GFRA2: variants seen among roughly 807,000 people sequenced by gnomAD.
GFRA2 encodes GDNF family receptor alpha-2.
GFRA2 carries 17 observed loss-of-function variants against 48.3 expected under a neutral mutation model. The ratio of observed to expected loss-of-function variants is 0.35; its 90% CI spans 0.24 to 0.53. The LOEUF is 0.53. Among genes scored for constraint, GFRA2 ranks in the 20% least tolerant of loss-of-function variants. The pLI, the probability that GFRA2 is intolerant of heterozygous loss-of-function variation, is 0.93. For missense variants in GFRA2, 660 were observed against 637.3 expected (o/e 1.04, Z -0.38); for synonymous variants, 305 against 257.2 (o/e 1.19, Z -1.78).
intron 4 of GFRA2, among the ~76,000 whole-genome samples, chr8:21,706,980 T>C (rs1042737785): frequency 3.3e-5 from 5 of 152,156 alleles, no homozygotes; most frequent in African/African-American, 1.2e-4. Flanking sequence ...TGGGGGAGGA[T>C]GCTCCCCCTC....
At chr8:21,745,285 G>T (rs1165561967) in intron 4 of GFRA2, among the ~76,000 whole-genome samples, 3 of 152,174 alleles carry the variant, frequency 2.0e-5, no homozygotes, top group Non-Finnish European at 4.4e-5. Context: ...GGAGGCCTGG[G>T]CATCTCTAGG....
chr8:21,718,308 C>T (rs910972464), intron 4 of GFRA2, among the ~76,000 whole-genome samples: 13 of 152,206 alleles, frequency 8.5e-5, no homozygotes, highest in Non-Finnish European at 1.8e-4. Context: ...ACGTGACTTG[C>T]TCGTCCTTGC....
At chr8:21,790,856 C>G (rs1275531550), upstream of GFRA2, among the ~76,000 whole-genome samples, 4 of 152,180 alleles carry the variant, frequency 2.6e-5, no homozygotes, top group Non-Finnish European at 4.4e-5. Context: ...AAGGAACCGG[C>G]TTTGGATAAG....
rs534552882 is a variant in GFRA2 at position 21,712,560 on chromosome 8, C to T, written c.795-6519G>A. On this transcript the variant is annotated intron_variant, in intron 4 of 8. Coordinates refer to ENST00000524240, the MANE Select transcript of GFRA2 (RefSeq NM_001495.5). ...GCAGAGGGGCTCCTCACATCCCAGA[C>T]GATGGGCGGCCAGGCAGAGACGCTC... Among the ~76,000 whole-genome samples the T allele has an allele frequency of 0.01, 1,477 of 143,786 alleles. 36 individuals are homozygous for T. The East Asian group carries it at 0.1, about 10-fold the overall frequency. 94.3% of individuals were successfully genotyped at this position (143,786 alleles called of 152,430 possible).
intron 4 of GFRA2, among the ~76,000 whole-genome samples, chr8:21,721,511 G>A (rs1803593010): frequency 6.6e-6 from 1 of 152,184 alleles, no homozygotes; most frequent in Non-Finnish European, 1.5e-5. Context: ...AGTCAGAGAC[G>A]AGGAGGAGGA....
chr8:21,785,400 A>G (rs907173442), intron 1 of GFRA2, among the ~76,000 whole-genome samples: 1 of 152,166 alleles, frequency 6.6e-6, no homozygotes, highest in Admixed American at 6.5e-5. Context: ...TGACCCCCAG[A>G]ACCAATCAAG....
intron 2 of GFRA2, among the ~76,000 whole-genome samples, 177 bp from the exon 3 acceptor site, chr8:21,775,232 G>C (rs974773263): frequency 1.3e-5 from 2 of 152,170 alleles, no homozygotes; most frequent in African/African-American, 2.4e-5. Flanking sequence ...CATTAGCAAC[G>C]AAATGTTTAG....
rs1807962512 is a variant in GFRA2 at position 21,810,739 on chromosome 8, A to C, written c.-148+1492T>G. ...TCAGGGACTCTATGGAAAAAAAAGG[A>C]GTTGGTGCAGGCTTCTGGGAATGGG... On this transcript the variant is annotated intron_variant, in intron 1 of 10. Transcript: ENST00000517328. 2.0e-5 allele frequency among the ~76,000 whole-genome samples: 3 copies of C among 152,070 alleles called. No homozygotes were observed. The South Asian group carries it at 6.2e-4, about 32-fold the overall frequency.
At position 21,712,584 on chromosome 8, in the gene GFRA2, T is replaced by C. The variant is rs552880691; in HGVS notation, c.795-6543A>G. Among the ~76,000 whole-genome samples the C allele has an allele frequency of 3.5e-4, 52 of 148,222 alleles. 2 individuals carry two copies. The South Asian group carries it at 0.011, about 30-fold the overall frequency. On this transcript the variant is annotated intron_variant, in intron 4 of 8. Transcript: ENST00000524240. ...ACGATGGGCGGCCAGGCAGAGACGC[T>C]CCTCACTTCCCAGACGGGGTGGCGG...
At chr8:21,773,099 G>C (rs1342566753) in intron 3 of GFRA2, among the ~76,000 whole-genome samples, 1 of 152,322 alleles carries the variant, frequency 6.6e-6, no homozygotes, top group South Asian at 2.1e-4. Flanking sequence ...AGAAGGAATG[G>C]TCCCAAGTGG....
chr8:21,738,162 TCCTCATCCCCCTCCCCC>T lies in GFRA2; in HGVS notation c.794+12409_794+12425del, dbSNP rs1197136264. Among the ~76,000 whole-genome samples the T allele has an allele frequency of 1.7e-3, 7 of 4,064 alleles. 1 individual carries two copies. The highest frequency in any genetic ancestry group is 0.019 in the South Asian group (2 of 108). 2.7% of individuals were successfully genotyped at this position (4,064 alleles called of 152,430 possible). On this transcript the variant is annotated intron_variant, in intron 4 of 8. Transcript: ENST00000524240. ...CTCCCCCTCCTCATCCCCCTCCCCCTCCTCATCCCCCTCCCCCGTTCCTCCTCCTCCCCCTCCTCCTC... is the reference window on the plus strand; with the variant it reads ...CTCCCCCTCCTCATCCCCCTCCCCCTGTTCCTCCTCCTCCCCCTCCTCCTC...
chr8:21,783,177 C>A, intron 1 of GFRA2: 1 of 607,758 alleles, frequency 1.6e-6, no homozygotes, highest in Non-Finnish European at 3.1e-6. Context: ...AGGAAGGTCC[C>A]GGCTCAAGAC....
At chr8:21,745,539 T>C (rs1392243496) in intron 4 of GFRA2, among the ~76,000 whole-genome samples, 3 of 152,202 alleles carry the variant, frequency 2.0e-5, no homozygotes, top group East Asian at 1.9e-4. Context: ...CACCCTGGCA[T>C]TGGGCTCTCC....
At position 21,733,972 on chromosome 8, in the gene GFRA2, G is replaced by A. The variant is rs189591115; in HGVS notation, c.794+16616C>T. On this transcript the variant is annotated intron_variant, in intron 4 of 8. Transcript: ENST00000524240. The stretch of plus-strand genomic sequence containing the variant: ...CCTTCCTGCCATTGACCTCTGGGAG[G>A]TGGATCCACAGGGGAGGGAGGGCAG... Among the ~76,000 whole-genome samples, 236 of 152,296 alleles carry A rather than the reference G, an allele frequency of 1.5e-3. 1 individual carries two copies. Among genetic ancestry groups the A allele is most frequent in the African/African-American group, 5.5e-3 (229 of 41,562 alleles).
At chr8:21,714,186 A>G (rs1785591847) in intron 4 of GFRA2, among the ~76,000 whole-genome samples, 1 of 148,708 alleles carries the variant, frequency 6.7e-6, no homozygotes, top group South Asian at 2.2e-4. Context: ...TCTGATGTAG[A>G]ATAATATTGG....
intron 4 of GFRA2, among the ~76,000 whole-genome samples, chr8:21,740,396 G>C (rs1043368579): frequency 6.6e-6 from 1 of 152,096 alleles, no homozygotes; most frequent in African/African-American, 2.4e-5. Flanking sequence ...TCAGGTTTCC[G>C]TAATCACCAA....
intron 3 of GFRA2, chr8:21,769,289 C>T (rs1265906747): frequency 6.6e-6 from 2 of 305,032 alleles, no homozygotes; most frequent in Non-Finnish European, 9.4e-6. Context: ...TGATCGATTC[C>T]TGCACACCAC....
chr8:21,812,182 C>T (rs1332422894), intron 1 of GFRA2: 2 of 152,230 alleles, frequency 1.3e-5, no homozygotes, highest in East Asian at 3.9e-4. Context: ...CAGAAATGGC[C>T]CAGGACAAAG....
intron 1 of GFRA2, among the ~76,000 whole-genome samples, chr8:21,811,602 G>A (rs891502517): frequency 8.6e-5 from 13 of 151,978 alleles, no homozygotes; most frequent in African/African-American, 3.1e-4. Context: ...CATGTCCTGG[G>A]CCCTTTGTTA....
Sources: gnomAD v4.1 joint callset for allele counts (sites outside exome capture counted in the v4.1 genomes callset) on GRCh38, gnomAD v4.1.1 for gene constraint, MANE v1.5 for transcripts, NCBI Gene and HGNC (gene_info 2026-07-23, HGNC 2026-07-21) for gene names.